FRAS1: variants seen among roughly 807,000 people sequenced by gnomAD.
The protein encoded by FRAS1 is extracellular matrix organizing protein FRAS1.
Under a neutral mutation model 435.2 loss-of-function variants are expected in FRAS1, and 290 were observed. That is an observed-to-expected ratio of 0.67 (90% CI 0.61 to 0.73). The LOEUF (loss-of-function observed/expected upper bound fraction) is 0.73. Among genes scored for constraint, FRAS1 ranks in the 30% least tolerant of loss-of-function variants. The probability of loss-of-function intolerance (pLI) is 0.00; values close to 1 mark genes in which losing one functional copy is unlikely to be tolerated. For synonymous variants in FRAS1, 1,800 were observed against 1,851.0 expected, an observed-to-expected ratio of 0.97 and a Z score of 0.71; for missense variants, 4,860 against 5,001.5, an observed-to-expected ratio of 0.97 and a Z score of 0.85.
At chr4:78,381,512 A>T (rs1732015420) in intron 27 of FRAS1, among the ~76,000 whole-genome samples, 1 of 152,070 alleles carries the variant, frequency 6.6e-6, no homozygotes. Context: ...CTGGTCTCGA[A>T]CTCCTGACTG....
In FRAS1 at chr4:78,461,071, T is replaced by C. The variant is rs912257719; in HGVS notation, c.6764-2950T>C. On this transcript the variant is annotated intron_variant, in intron 47 of 73. Coordinates refer to ENST00000512123, the MANE Select transcript of FRAS1 (RefSeq NM_025074.7). ...GCAACTTGTTGCCCCTGCACATATT[T>C]ATGGGTGTCATTTAAATGATAATAT... 7.2e-5 allele frequency among the ~76,000 whole-genome samples: 11 copies of C among 152,248 alleles called. 1 individual carries two copies. The East Asian group carries it at 2.1e-3, about 29-fold the overall frequency.
At position 78,196,249 on chromosome 4, in the gene FRAS1, C is replaced by T. The variant is rs368775851; in HGVS notation, c.109-41261C>T. On this transcript the variant is annotated intron_variant, in intron 2 of 73. Transcript: ENST00000512123. ...GTCTTGATCTCCTGACCTTGTGATC[C>T]GCCTGCCTTGGCCTCCCAAAGTGCT... Among the ~76,000 whole-genome samples, 232 of 152,222 alleles carry T rather than the reference C, an allele frequency of 1.5e-3. 1 individual carries two copies. The highest frequency in any genetic ancestry group is 5.1e-3 in the African/African-American group (211 of 41,530).
At chr4:78,302,320 G>A (rs1480249587) in intron 14 of FRAS1, among the ~76,000 whole-genome samples, 1 of 151,718 alleles carries the variant, frequency 6.6e-6, no homozygotes, top group Non-Finnish European at 1.5e-5. Context: ...AAACATACGT[G>A]TGCATGTGTC....
chr4:78,062,796 C>T (rs1356431128), intron 1 of FRAS1, among the ~76,000 whole-genome samples: 4 of 152,178 alleles, frequency 2.6e-5, no homozygotes, highest in Non-Finnish European at 5.9e-5. Context: ...CAGCTCAGGT[C>T]TCAGGATCTG....
chr4:78,088,632 A>G (rs1262604178), intron 2 of FRAS1, among the ~76,000 whole-genome samples: 1 of 152,184 alleles, frequency 6.6e-6, no homozygotes, highest in Non-Finnish European at 1.5e-5. Flanking sequence ...ATGAACAGAC[A>G]CTTCTCAAAA....
At position 78,441,158 on chromosome 4, in the gene FRAS1, T is replaced by G. The variant is rs1196975797; in HGVS notation, c.5530-4T>G. The G allele has an allele frequency of 8.7e-6, 14 of 1,613,800 alleles. No homozygotes were observed. In the South Asian group the frequency reaches 1.3e-4, roughly 15 times the overall value. On this transcript the variant is annotated splice_polypyrimidine_tract_variant and splice_region_variant and intron_variant, in intron 40 of 73. Transcript: ENST00000512123. ...AGGACTCTCTATGTTCTTTTCTTTC[T>G]TAGGTTGATGAGGGAGGGAGAGCAC...
chr4:78,215,514 G>T (rs1723729072), intron 2 of FRAS1, among the ~76,000 whole-genome samples: 1 of 152,098 alleles, frequency 6.6e-6, no homozygotes, highest in African/African-American at 2.4e-5. Flanking sequence ...AACTGTACAG[G>T]TCAGCAGTGT....
chr4:78,347,276 G>T (rs1730641426), intron 20 of FRAS1, among the ~76,000 whole-genome samples: 1 of 152,068 alleles, frequency 6.6e-6, no homozygotes, highest in Non-Finnish European at 1.5e-5. Flanking sequence ...CTCTGTTTCT[G>T]CTGCAAAAAC....
At chr4:78,233,438 G>T (rs986245798) in intron 2 of FRAS1, among the ~76,000 whole-genome samples, 8 of 152,304 alleles carry the variant, frequency 5.3e-5, no homozygotes, top group Admixed American at 2.6e-4. Flanking sequence ...ACTCTGCTAG[G>T]TTTTACTTGT....
At chr4:78,475,383 G>GT in intron 53 of FRAS1, 55 bp from the exon 54 acceptor site, 4 of 1,601,062 alleles carry the variant, frequency 2.5e-6, no homozygotes, top group South Asian at 1.1e-5. Context: ...TAAACAAGTT[G>GT]TTTTTTCATA....
intron 1 of FRAS1, among the ~76,000 whole-genome samples, chr4:78,059,038 C>A (rs1016340713): frequency 6.6e-5 from 10 of 152,336 alleles, no homozygotes; most frequent in Admixed American, 5.2e-4. Flanking sequence ...GCTTCCCCTC[C>A]CGGCTCCATT....
At chr4:78,058,300 G>C (rs1365125594) in intron 1 of FRAS1, among the ~76,000 whole-genome samples, 2 of 152,022 alleles carry the variant, frequency 1.3e-5, no homozygotes, top group Admixed American at 1.3e-4. Flanking sequence ...TTACACCCCC[G>C]AAACGGCCTC....
intron 2 of FRAS1, chr4:78,182,018 C>G: frequency 6.5e-7 from 1 of 1,533,142 alleles, no homozygotes; most frequent in Non-Finnish European, 8.7e-7. Context: ...GACCACACAG[C>G]CGAAGCCTTC....
At chr4:78,152,952 G>A (rs778154047) in intron 2 of FRAS1, among the ~76,000 whole-genome samples, 3 of 152,100 alleles carry the variant, frequency 2.0e-5, no homozygotes, top group Non-Finnish European at 2.9e-5. Context: ...GTAGCACAGA[G>A]CTCTCCCTTT....
chr4:78,296,590 T>C (rs1311693359), intron 14 of FRAS1, among the ~76,000 whole-genome samples: 1 of 152,178 alleles, frequency 6.6e-6, no homozygotes, highest in African/African-American at 2.4e-5. Context: ...AAAGAGCTTT[T>C]GCTGTTGTTT....
intron 2 of FRAS1, among the ~76,000 whole-genome samples, chr4:78,206,852 T>G (rs1438772643): frequency 6.6e-6 from 1 of 152,214 alleles, no homozygotes; most frequent in African/African-American, 2.4e-5. Flanking sequence ...TGGGACCTGC[T>G]GTCCCTCTTT....
chr4:78,244,237 TAATA>T (rs2110122837), intron 3 of FRAS1, among the ~76,000 whole-genome samples: 1 of 152,072 alleles, frequency 6.6e-6, no homozygotes, highest in South Asian at 2.1e-4. Context: ...CAAAAATAAA[TAATA>T]AATATTAATA....
intron 53 of FRAS1, 101 bp from the exon 54 acceptor site, chr4:78,475,337 A>G: frequency 7.9e-7 from 1 of 1,269,252 alleles, no homozygotes; most frequent in Non-Finnish European, 1.1e-6. Flanking sequence ...TTCTCTGACT[A>G]CCTAATGCCA....
intron 5 of FRAS1, among the ~76,000 whole-genome samples, chr4:78,253,939 A>G (rs961286821): frequency 6.6e-6 from 1 of 152,160 alleles, no homozygotes; most frequent in African/African-American, 2.4e-5. Flanking sequence ...AGATGACATA[A>G]CATCTTTCTC....
Sources: gnomAD v4.1 joint callset for allele counts (sites outside exome capture counted in the v4.1 genomes callset) on GRCh38, gnomAD v4.1.1 for gene constraint, MANE v1.5 for transcripts, NCBI Gene and HGNC (gene_info 2026-07-23, HGNC 2026-07-21) for gene names.